Variants in HAPLN1 observed in about 807,000 individuals in gnomAD.
HAPLN1 encodes hyaluronan and proteoglycan link protein 1, also known as Cartilage link protein.
Under a neutral mutation model 36.5 loss-of-function variants are expected in HAPLN1, and 13 were observed. The observed-to-expected ratio is 0.36, with a 90% CI of 0.23 to 0.57. HAPLN1 has a LOEUF of 0.57. Ranked by LOEUF, HAPLN1 falls within the 20% of genes least tolerant of loss-of-function variation. HAPLN1 has a pLI of 0.83. For synonymous variants in HAPLN1, 202 were observed against 169.8 expected (o/e 1.19, Z -1.48); for missense variants, 407 against 439.7 (o/e 0.93, Z 0.66).
chr5:83,710,930 G>T (rs981850506), intron 1 of HAPLN1, among the ~76,000 whole-genome samples: 1 of 151,874 alleles, frequency 6.6e-6, no homozygotes, highest in Admixed American at 6.6e-5. Flanking sequence ...CAGCCTGGGC[G>T]ACAGAGAGAG....
intron 1 of HAPLN1, among the ~76,000 whole-genome samples, chr5:83,711,820 C>T (rs549619381): frequency 1.3e-5 from 2 of 152,116 alleles, no homozygotes; most frequent in South Asian, 4.2e-4. Flanking sequence ...ACGAACTAGG[C>T]TTGGTCAAAG....
intron 1 of HAPLN1, chr5:83,675,198 G>GCAC (rs1750831581): frequency 6.6e-6 from 1 of 152,176 alleles, no homozygotes; most frequent in African/African-American, 2.4e-5. Context: ...ATTGTGCTTT[G>GCAC]GGTGAACAAA....
At chr5:83,700,504 A>G (rs1020909801) in intron 1 of HAPLN1, among the ~76,000 whole-genome samples, 1 of 152,140 alleles carries the variant, frequency 6.6e-6, no homozygotes, top group African/African-American at 2.4e-5. Context: ...AGGAATAGAG[A>G]AAGGAGAAAA....
chr5:83,670,154 T>C (rs1310593999), intron 2 of HAPLN1, among the ~76,000 whole-genome samples: 1 of 152,224 alleles, frequency 6.6e-6, no homozygotes, highest in Non-Finnish European at 1.5e-5. Context: ...AATTCTATGG[T>C]AGTTGAAAGG....
At chr5:83,654,007 T>A (rs190474882) in intron 2 of HAPLN1, among the ~76,000 whole-genome samples, 9,128 of 152,090 alleles carry the variant, frequency 0.06, 789 homozygotes, top group African/African-American at 0.19. Context: ...GGCAGATAGG[T>A]GTTGAATAAT....
chr5:83,672,469 T>C (rs1248165669), intron 2 of HAPLN1, among the ~76,000 whole-genome samples: 3 of 152,210 alleles, frequency 2.0e-5, no homozygotes, highest in Non-Finnish European at 4.4e-5. Flanking sequence ...GTGTCTAAAA[T>C]AGCTAGACAT....
At chr5:83,706,116 AAAC>A (rs1454200784) in intron 1 of HAPLN1, among the ~76,000 whole-genome samples, 1 of 151,458 alleles carries the variant, frequency 6.6e-6, no homozygotes, top group Non-Finnish European at 1.5e-5. Context: ...AAAAAAAAAA[AAAC>A]AAAAGCCCAG....
intron 1 of HAPLN1, among the ~76,000 whole-genome samples, chr5:83,695,473 G>A (rs1288968298): frequency 1.3e-5 from 2 of 151,448 alleles, no homozygotes; most frequent in Admixed American, 6.6e-5. Context: ...ACAATCAATC[G>A]ATTGCTCAAC....
rs1343991177 is a variant in HAPLN1 at position 83,640,811 on chromosome 5, T to G, written c.*685A>C. On this transcript the variant is annotated 3_prime_UTR_variant, in exon 5 of 5. Coordinates refer to ENST00000274341, the MANE Select transcript of HAPLN1 (RefSeq NM_001884.4). ...AGAAGGTAGAAGTCTTTTTCATTGG[T>G]TAAATATTATCTGCTTATTTATGTG... 6.6e-6 allele frequency: 1 copy of G among 152,138 alleles called. No individual in the cohort carries two copies. Among genetic ancestry groups the G allele is most frequent in the Non-Finnish European group, 1.5e-5 (1 of 68,006 alleles). 9.4% of individuals were successfully genotyped at this position (152,138 alleles called of 1,614,324 possible). A position where few individuals can be genotyped will look rare whatever the true frequency, so the allele number is the denominator to read the frequency against.
chr5:83,707,506 G>T (rs1751680186), intron 1 of HAPLN1, among the ~76,000 whole-genome samples: 1 of 152,150 alleles, frequency 6.6e-6, no homozygotes, highest in South Asian at 2.1e-4. Flanking sequence ...TACAATAAGT[G>T]GTGCTGGGAT....
In HAPLN1 at chr5:83,639,265, C is replaced by T. The variant is rs1188158487; in HGVS notation, c.*2231G>A. 1.3e-5 allele frequency: 2 copies of T among 151,962 alleles called. No homozygotes were observed. Among genetic ancestry groups the T allele is most frequent in the Non-Finnish European group, 2.9e-5 (2 of 67,890 alleles). 9.4% of individuals were successfully genotyped at this position (151,962 alleles called of 1,614,324 possible). On this transcript the variant is annotated 3_prime_UTR_variant, in exon 5 of 5. Transcript: ENST00000274341. ...AAAAAATTCTGCTCAGCAGTATTCA[C>T]TGTGTTAAGATTTTTTGTTTTTTAC...
At chr5:83,719,928 C>T (rs1433623614) in intron 1 of HAPLN1, among the ~76,000 whole-genome samples, 1 of 152,174 alleles carries the variant, frequency 6.6e-6, no homozygotes, top group African/African-American at 2.4e-5. Context: ...CACTTTCCAC[C>T]CTAAAAATTC....
chr5:83,695,644 A>C (rs6888625), intron 1 of HAPLN1, among the ~76,000 whole-genome samples: 1 of 147,640 alleles, frequency 6.8e-6, no homozygotes, highest in Non-Finnish European at 1.5e-5. Context: ...AAATATATTT[A>C]TATATAGATA....
intron 1 of HAPLN1, among the ~76,000 whole-genome samples, chr5:83,710,924 C>A (rs1348655991): frequency 1.3e-5 from 2 of 151,736 alleles, no homozygotes; most frequent in Non-Finnish European, 2.9e-5. Context: ...GCACTCCAGC[C>A]TGGGCGACAG....
intron 3 of HAPLN1, among the ~76,000 whole-genome samples, chr5:83,650,225 C>T (rs1157599808): frequency 2.0e-5 from 3 of 152,148 alleles, no homozygotes; most frequent in South Asian, 2.1e-4. Flanking sequence ...TATCAAATTC[C>T]AGCTCTAGCT....
At chr5:83,698,424 T>C (rs114407322) in intron 1 of HAPLN1, among the ~76,000 whole-genome samples, 3,793 of 152,328 alleles carry the variant, frequency 0.025, 163 homozygotes, top group African/African-American at 0.086. Context: ...TTAAAGATAC[T>C]GCTTCTTTTT....
At chr5:83,658,093 G>T (rs1159581931) in intron 2 of HAPLN1, among the ~76,000 whole-genome samples, 1 of 151,784 alleles carries the variant, frequency 6.6e-6, no homozygotes, top group Non-Finnish European at 1.5e-5. Flanking sequence ...AGACTCAATT[G>T]TCAGCTCCAT....
At chr5:83,714,129 C>A (rs74974877) in intron 1 of HAPLN1, among the ~76,000 whole-genome samples, 1 of 152,114 alleles carries the variant, frequency 6.6e-6, no homozygotes, top group Non-Finnish European at 1.5e-5. Context: ...GTGCTGGACA[C>A]CAACAGCGGC....
In HAPLN1 at chr5:83,671,187, G is replaced by A. The variant is rs1296277843; in HGVS notation, c.100+2237C>T. On this transcript the variant is annotated intron_variant, in intron 2 of 4. Transcript: ENST00000274341. ...AGGCAGCCAACAAAAAGTTGAGGCT[G>A]ATTTGCACAATTTTCCCAATGTTGT... Among the ~76,000 whole-genome samples, 9 of 152,282 alleles carry A rather than the reference G, an allele frequency of 5.9e-5. No individual in the cohort carries two copies. The East Asian group carries it at 1.7e-3, about 29-fold the overall frequency.
Sources: gnomAD v4.1 joint callset for allele counts (sites outside exome capture counted in the v4.1 genomes callset) on GRCh38, gnomAD v4.1.1 for gene constraint, MANE v1.5 for transcripts, NCBI Gene and HGNC (gene_info 2026-07-23, HGNC 2026-07-21) for gene names.